CADM2: variants seen among roughly 807,000 people sequenced by gnomAD.
CADM2 encodes cell adhesion molecule 2, also known as immunoglobulin superfamily member 4D.
CADM2 carries 12 observed loss-of-function variants against 49.8 expected under a neutral mutation model. The ratio of observed to expected loss-of-function variants is 0.24; its 90% CI spans 0.15 to 0.39. The LOEUF (loss-of-function observed/expected upper bound fraction) is 0.39. Ranked by LOEUF, CADM2 falls within the 10% of genes least tolerant of loss-of-function variation. The pLI is 1.00. For synonymous variants in CADM2, 214 were observed against 175.4 expected (o/e 1.22, Z -1.74); for missense variants, 378 against 492.3 (o/e 0.77, Z 2.20).
At chr3:85,724,643 G>A in intron 1 of CADM2, among the ~76,000 whole-genome samples, 1 of 148,088 alleles carries the variant, frequency 6.8e-6, no homozygotes, top group Non-Finnish European at 1.5e-5. Context: ...AAATTAATGT[G>A]TATAGTAAAA....
At chr3:85,824,917 G>A (rs143242498) in intron 3 of CADM2, among the ~76,000 whole-genome samples, 4 of 152,086 alleles carry the variant, frequency 2.6e-5, no homozygotes, top group African/African-American at 9.6e-5. Flanking sequence ...ACTTGAGTAG[G>A]GGTTAATGAT....
At chr3:85,306,911 A>T (rs2044225524) in intron 1 of CADM2, among the ~76,000 whole-genome samples, 1 of 151,684 alleles carries the variant, frequency 6.6e-6, no homozygotes, top group Non-Finnish European at 1.5e-5. Flanking sequence ...TGTGCAGATC[A>T]AAGATAGTGC....
At chr3:85,070,771 T>A (rs999236149) in intron 1 of CADM2, among the ~76,000 whole-genome samples, 2 of 151,908 alleles carry the variant, frequency 1.3e-5, no homozygotes, top group African/African-American at 4.8e-5. Flanking sequence ...GGCAGGTAGA[T>A]CACGAGGTCA....
chr3:85,945,287 G>T (rs541995689), intron 7 of CADM2, among the ~76,000 whole-genome samples: 3 of 151,726 alleles, frequency 2.0e-5, no homozygotes, highest in Admixed American at 1.3e-4. Context: ...CAATAATTAA[G>T]AGCTTACCAA....
intron 8 of CADM2, among the ~76,000 whole-genome samples, chr3:85,972,392 T>C (rs946881165): frequency 2.0e-5 from 3 of 151,752 alleles, no homozygotes; most frequent in African/African-American, 7.3e-5. Flanking sequence ...GTTCTAACAC[T>C]TCTACATCTC....
intron 1 of CADM2, among the ~76,000 whole-genome samples, chr3:85,335,710 C>T (rs1376725368): frequency 1.3e-5 from 2 of 151,394 alleles, no homozygotes; most frequent in African/African-American, 4.8e-5. Flanking sequence ...TCAGCTTCTT[C>T]TGTGAGATGA....
rs549105984 is a variant in CADM2, at chr3:85,967,488, G to A, written c.970+5841G>A. 3.3e-5 allele frequency among the ~76,000 whole-genome samples: 5 copies of A among 151,666 alleles called. No individual in the cohort carries two copies. The South Asian group carries it at 1.0e-3, about 31-fold the overall frequency. On this transcript the variant is annotated intron_variant, in intron 8 of 9. Coordinates refer to ENST00000383699, the MANE Select transcript of CADM2 (RefSeq NM_001167675.2). ...AGCAACAGATTAGGAACATCATAGA[G>A]TAATACCTTAAATTTGCTTTTAAAA...
intron 1 of CADM2, among the ~76,000 whole-genome samples, chr3:85,400,947 A>G (rs2035075779): frequency 6.6e-6 from 1 of 152,164 alleles, no homozygotes; most frequent in Non-Finnish European, 1.5e-5. Context: ...GTCATCTGAC[A>G]CTAAAGAATC....
intron 1 of CADM2, among the ~76,000 whole-genome samples, chr3:85,435,225 T>C (rs2036870216): frequency 2.0e-5 from 3 of 152,010 alleles, no homozygotes; most frequent in Non-Finnish European, 4.4e-5. Flanking sequence ...TGTCCATGTG[T>C]TCTCATTGTT....
intron 3 of CADM2, among the ~76,000 whole-genome samples, chr3:85,816,322 T>C (rs2073200504): frequency 6.6e-6 from 1 of 152,074 alleles, no homozygotes; most frequent in Admixed American, 6.6e-5. Flanking sequence ...ATTTTACTGT[T>C]CCAGTTTCAA....
At chr3:85,385,827 G>T in intron 1 of CADM2, 3 of 129,140 alleles carry the variant, frequency 2.3e-5, no homozygotes, top group Non-Finnish European at 3.2e-5. Flanking sequence ...GAAACTAGAT[G>T]CCTTAAGATT....
chr3:85,511,975 A>T, intron 1 of CADM2: 5 of 693,748 alleles, frequency 7.2e-6, no homozygotes, highest in Non-Finnish European at 8.9e-6. Context: ...TTTTGAAAAA[A>T]ATGTTTTAAA....
chr3:85,535,139 T>A (rs7626074), intron 1 of CADM2, among the ~76,000 whole-genome samples: 6,489 of 152,284 alleles, frequency 0.043, 464 homozygotes, highest in African/African-American at 0.15. Flanking sequence ...TGACTCATTA[T>A]ACTTTAGAAA....
intron 1 of CADM2, among the ~76,000 whole-genome samples, chr3:85,081,917 G>C (rs1164430504): frequency 6.6e-6 from 1 of 152,120 alleles, no homozygotes; most frequent in Admixed American, 6.6e-5. Flanking sequence ...ATTGCTAAGT[G>C]TTTGTTATCT....
At chr3:85,270,881 C>T (rs1468388066) in intron 1 of CADM2, among the ~76,000 whole-genome samples, 2 of 151,400 alleles carry the variant, frequency 1.3e-5, no homozygotes, top group African/African-American at 2.4e-5. Flanking sequence ...AAAATGTTTA[C>T]ATGAAGCATA....
At chr3:85,248,646 C>A (rs112115340) in intron 1 of CADM2, among the ~76,000 whole-genome samples, 161 of 152,234 alleles carry the variant, frequency 1.1e-3, no homozygotes, top group Middle Eastern at 3.4e-3. Flanking sequence ...CTTCTATGAG[C>A]ATGTCACTGT....
chr3:85,490,905 T>A (rs1025032793), intron 1 of CADM2, among the ~76,000 whole-genome samples: 5 of 151,678 alleles, frequency 3.3e-5, no homozygotes, highest in African/African-American at 1.2e-4. Flanking sequence ...GAATAAAAAA[T>A]AAGAAGAAGA....
At chr3:86,035,458 G>C (rs1292274274) in intron 8 of CADM2, among the ~76,000 whole-genome samples, 1 of 151,964 alleles carries the variant, frequency 6.6e-6, no homozygotes, top group Non-Finnish European at 1.5e-5. Context: ...TCAGTTCTGA[G>C]ATCACGTTTT....
At chr3:85,752,937 A>G (rs2068932512) in intron 2 of CADM2, among the ~76,000 whole-genome samples, 1 of 152,198 alleles carries the variant, frequency 6.6e-6, no homozygotes, top group Non-Finnish European at 1.5e-5. Flanking sequence ...ACCTTAAAAA[A>G]TACTAAGGAG....
Sources: allele counts gnomAD v4.1 joint callset (sites outside exome capture counted in the v4.1 genomes callset), GRCh38; gene constraint gnomAD v4.1.1; transcripts MANE v1.5; gene names NCBI Gene and HGNC (gene_info 2026-07-23, HGNC 2026-07-21).